ABCB1: variants seen among roughly 807,000 people sequenced by gnomAD.
ABCB1 encodes ATP-dependent translocase ABCB1.
ABCB1 carries 69 observed loss-of-function variants against 142.0 expected under a neutral mutation model. That is an observed-to-expected ratio of 0.49 (90% CI 0.40 to 0.59). The LOEUF (loss-of-function observed/expected upper bound fraction) is 0.59, where lower values mean the gene tolerates loss of function less well. Ranked by LOEUF, ABCB1 falls within the 20% of genes least tolerant of loss-of-function variation. The probability of loss-of-function intolerance (pLI) is 0.00; values close to 1 mark genes in which losing one functional copy is unlikely to be tolerated. For missense variants in ABCB1, 1,326 were observed against 1,554.7 expected (o/e 0.85, Z 2.47); for synonymous variants, 532 against 539.2 (o/e 0.99, Z 0.18).
chr7:87,594,577 A>G (rs1819120175), intron 3 of ABCB1, among the ~76,000 whole-genome samples: 1 of 152,234 alleles, frequency 6.6e-6, no homozygotes, highest in Non-Finnish European at 1.5e-5. Flanking sequence ...GATAAATACA[A>G]CTTTAACCTA....
intron 3 of ABCB1, among the ~76,000 whole-genome samples, chr7:87,594,488 A>G (rs759693615): frequency 6.6e-6 from 1 of 152,226 alleles, no homozygotes; most frequent in African/African-American, 2.4e-5. Flanking sequence ...CTAAAATATA[A>G]GACTCCTAAG....
intron 1 of ABCB1, among the ~76,000 whole-genome samples, chr7:87,607,801 C>T (rs968514394): frequency 3.3e-5 from 5 of 152,080 alleles, no homozygotes. Flanking sequence ...AAGTACTTTG[C>T]TAGATGCTGA....
intron 1 of ABCB1, among the ~76,000 whole-genome samples, chr7:87,616,706 C>A (rs1035012849): frequency 6.6e-6 from 1 of 152,168 alleles, no homozygotes; most frequent in Non-Finnish European, 1.5e-5. Flanking sequence ...ATTATCCCAA[C>A]CTTAGAGATC....
intron 20 of ABCB1, among the ~76,000 whole-genome samples, chr7:87,536,083 T>A (rs749091738): frequency 3.5e-4 from 54 of 152,206 alleles, no homozygotes; most frequent in Non-Finnish European, 6.9e-4. Flanking sequence ...TTGTCTTCCC[T>A]CCCTTCTGTA....
intron 8 of ABCB1, among the ~76,000 whole-genome samples, chr7:87,558,949 T>A (rs1651572924): frequency 6.6e-6 from 1 of 152,130 alleles, no homozygotes; most frequent in African/African-American, 2.4e-5. Flanking sequence ...AATTTGGTAT[T>A]TTTCACATGG....
chr7:87,521,544 T>G, intron 21 of ABCB1: 1 of 756,396 alleles, frequency 1.3e-6, no homozygotes. Context: ...GGTTGACCAA[T>G]GAGAGCCTGA....
At chr7:87,532,967 G>T (rs28381963) in intron 20 of ABCB1, among the ~76,000 whole-genome samples, 1 of 152,074 alleles carries the variant, frequency 6.6e-6, no homozygotes, top group Non-Finnish European at 1.5e-5. Flanking sequence ...TAGGAAAAGA[G>T]TGCTATAACT....
intron 25 of ABCB1, among the ~76,000 whole-genome samples, chr7:87,512,035 C>CT (rs1490017182): frequency 1.3e-5 from 2 of 151,888 alleles, no homozygotes; most frequent in Non-Finnish European, 1.5e-5. Flanking sequence ...GGAGGCAAGG[C>CT]TGTAGTCAGG....
chr7:87,683,142 C>A (rs185315681), intron 1 of ABCB1, among the ~76,000 whole-genome samples: 1 of 152,246 alleles, frequency 6.6e-6, no homozygotes, highest in East Asian at 1.9e-4. Context: ...TCTTCTGCGG[C>A]GTCTTTGCCT....
upstream of ABCB1, chr7:87,602,876 G>C (rs1298797840): frequency 6.6e-6 from 1 of 152,208 alleles, no homozygotes; most frequent in Non-Finnish European, 1.5e-5. Flanking sequence ...AAAGACACCA[G>C]TCTTGCATTT....
At chr7:87,578,818 C>T (rs1419110889) in intron 4 of ABCB1, among the ~76,000 whole-genome samples, 2 of 151,282 alleles carry the variant, frequency 1.3e-5, no homozygotes, top group African/African-American at 4.9e-5. Context: ...CTCAGCCTCC[C>T]AAGTAGCTGG....
Position 87,531,501 on chromosome 7 carries a change from C to CTT in ABCB1, c.2482-5_2482-4insAA. The CTT allele has an allele frequency of 6.2e-7, 1 of 1,611,840 alleles. No individual in the cohort carries two copies. Among genetic ancestry groups the CTT allele is most frequent in the East Asian group, 2.2e-5 (1 of 44,752 alleles). On this transcript the variant is annotated splice_region_variant and splice_polypyrimidine_tract_variant and intron_variant, in intron 20 of 27. Coordinates refer to ENST00000622132, the MANE Select transcript of ABCB1 (RefSeq NM_001348946.2). ...CAGCAAGCCTGGAACCTATAGCCTG[C>CTT]AAAACAAAACAAATTAGAGAAATTT...
At chr7:87,678,032 A>C (rs539856477) in intron 1 of ABCB1, among the ~76,000 whole-genome samples, 62 of 152,248 alleles carry the variant, frequency 4.1e-4, no homozygotes, top group Non-Finnish European at 7.1e-4. Flanking sequence ...CTGGTCTAAA[A>C]GAAATGCTAA....
intron 1 of ABCB1, among the ~76,000 whole-genome samples, chr7:87,698,200 C>T (rs1000190757): frequency 1.3e-5 from 2 of 152,074 alleles, no homozygotes; most frequent in Non-Finnish European, 2.9e-5. Context: ...CCCGGGTTCA[C>T]GCCATTCTCC....
At chr7:87,648,754 A>C (rs28381761) in intron 1 of ABCB1, among the ~76,000 whole-genome samples, 1 of 152,174 alleles carries the variant, frequency 6.6e-6, no homozygotes, top group Non-Finnish European at 1.5e-5. Context: ...ACAAAAATTT[A>C]TAAAGGTCAC....
intron 1 of ABCB1, among the ~76,000 whole-genome samples, chr7:87,651,526 A>ATAGTATAAATCT (rs1317630745): frequency 6.6e-6 from 1 of 152,172 alleles, no homozygotes; most frequent in Non-Finnish European, 1.5e-5. Context: ...GAAGTATTAT[A>ATAGTATAAATCT]TAGTATAAAT....
rs534636522 is a variant in ABCB1, at chr7:87,703,181, C to T, written c.-331+9980G>A. ...ATAAATTATGTGTCTATGTAATAAC[C>T]GAAAGTATAACAATTATCTTTCCAA... On this transcript the variant is annotated intron_variant, in intron 1 of 28. Transcript: ENST00000265724. Among the ~76,000 whole-genome samples the T allele has an allele frequency of 4.6e-4, 70 of 151,856 alleles. 1 individual carries two copies. Among genetic ancestry groups the T allele is most frequent in the African/African-American group, 1.6e-3 (66 of 41,454 alleles).
At chr7:87,677,335 T>TA (rs57714170) in intron 1 of ABCB1, among the ~76,000 whole-genome samples, 8,316 of 125,188 alleles carry the variant, frequency 0.066, 434 homozygotes, top group African/African-American at 0.14. Flanking sequence ...ATTTCAGATT[T>TA]AAAAAAAAAA....
intron 26 of ABCB1, among the ~76,000 whole-genome samples, chr7:87,506,763 C>A (rs1049027327): frequency 2.0e-5 from 3 of 152,154 alleles, no homozygotes; most frequent in Non-Finnish European, 4.4e-5. Context: ...ACCTAGAAAA[C>A]AATACTATCT....
Sources: allele counts gnomAD v4.1 joint callset (sites outside exome capture counted in the v4.1 genomes callset), GRCh38; gene constraint gnomAD v4.1.1; transcripts MANE v1.5; gene names NCBI Gene and HGNC (gene_info 2026-07-23, HGNC 2026-07-21).